CAPRIN1: variants seen among roughly 807,000 people sequenced by gnomAD.
The protein encoded by CAPRIN1 is caprin-1.
Under a neutral mutation model 100.9 loss-of-function variants are expected in CAPRIN1, and 29 were observed. The ratio of observed to expected loss-of-function variants is 0.29; its 90% CI spans 0.21 to 0.39. The LOEUF is 0.39. Among genes scored for constraint, CAPRIN1 ranks in the 10% least tolerant of loss-of-function variants. The pLI is 1.00. For synonymous variants in CAPRIN1, 338 were observed against 307.5 expected (o/e 1.10, Z -1.04); for missense variants, 795 against 876.7 (o/e 0.91, Z 1.18).
At chr11:34,074,799 C>T (rs547005326) in intron 4 of CAPRIN1, among the ~76,000 whole-genome samples, 3 of 152,288 alleles carry the variant, frequency 2.0e-5, no homozygotes, top group African/African-American at 7.2e-5. Context: ...TACTTGAATT[C>T]GAGAAGTAGA....
chr11:34,090,588 T>A lies in CAPRIN1; in HGVS notation c.1464T>A (p.Ser488=). The A allele has an allele frequency of 6.2e-7, 1 of 1,613,950 alleles. No individual in the cohort carries two copies. The highest frequency in any genetic ancestry group is 8.5e-7 in the Non-Finnish European group (1 of 1,179,796). The change falls in exon 14 of 19, where the codon TCT becomes TCA. Residue 488 remains serine (S), a synonymous_variant. Coordinates refer to ENST00000341394, the MANE Select transcript of CAPRIN1 (RefSeq NM_005898.5). ...TTASSSLPAA[S]QPQVFQAGTS... Reference sequence around the variant, plus strand: ...CATCATCATCCCTTCCTGCTGCGTCTCAGCCTCAAGTATTTCAGGCTGGGA... The same window carrying A: ...CATCATCATCCCTTCCTGCTGCGTCACAGCCTCAAGTATTTCAGGCTGGGA...
chr11:34,071,313 T>G (rs1850800489), intron 2 of CAPRIN1, among the ~76,000 whole-genome samples: 1 of 152,060 alleles, frequency 6.6e-6, no homozygotes, highest in Non-Finnish European at 1.5e-5. Flanking sequence ...CCTGTAATCC[T>G]AACACTTGGG....
chr11:34,087,218 G>A (rs1162298822), intron 11 of CAPRIN1, among the ~76,000 whole-genome samples: 1 of 151,864 alleles, frequency 6.6e-6, no homozygotes, highest in Non-Finnish European at 1.5e-5. Context: ...AATGTTGCAT[G>A]ATGTTAAATA....
chr11:34,077,663 AT>A (rs139921963), intron 6 of CAPRIN1, among the ~76,000 whole-genome samples: 15,531 of 152,208 alleles, frequency 0.1, 855 homozygotes, highest in African/African-American at 0.15. Context: ...AAGTATCTGT[AT>A]TTATGCATTT....
intron 2 of CAPRIN1, among the ~76,000 whole-genome samples, chr11:34,071,213 G>T (rs180990607): frequency 6.6e-6 from 1 of 152,268 alleles, no homozygotes; most frequent in Admixed American, 6.5e-5. Context: ...TTGTGCCATT[G>T]GTTTACAGTA....
intron 2 of CAPRIN1, among the ~76,000 whole-genome samples, chr11:34,057,153 C>G (rs1315713255): frequency 6.6e-6 from 1 of 152,184 alleles, no homozygotes; most frequent in Non-Finnish European, 1.5e-5. Context: ...CTGAAGCCTT[C>G]TTTGACATTT....
chr11:34,070,597 T>C (rs1391871624), intron 2 of CAPRIN1, among the ~76,000 whole-genome samples: 3 of 152,160 alleles, frequency 2.0e-5, no homozygotes, highest in South Asian at 2.1e-4. Flanking sequence ...GGTTTCATCA[T>C]GTTGGCCAGG....
chr11:34,101,544 G>C lies in CAPRIN1; in HGVS notation c.*2177G>C, dbSNP rs1337867199. On this transcript the variant is annotated 3_prime_UTR_variant, in exon 19 of 19. Transcript: ENST00000341394. ...GTGCAGATGTTGTGAATGTGTAAAGGTGTTCATAGTTTGACTGTTTCTATG... is the reference window on the plus strand; with the variant it reads ...GTGCAGATGTTGTGAATGTGTAAAGCTGTTCATAGTTTGACTGTTTCTATG... Among the ~76,000 whole-genome samples the C allele has an allele frequency of 6.6e-6, 1 of 152,130 alleles. No homozygotes were observed. The highest frequency in any genetic ancestry group is 1.5e-5 in the Non-Finnish European group (1 of 67,990).
chr11:34,090,742 CT>C (rs1565096704), intron 14 of CAPRIN1, 64 bp downstream of exon 14: 1 of 1,493,122 alleles, frequency 6.7e-7, no homozygotes, highest in African/African-American at 1.4e-5. Flanking sequence ...ATTTTCTTTT[CT>C]TTTTTAAAGG....
At chr11:34,098,969 T>C (rs1005120996) in intron 18 of CAPRIN1, 32 of 1,143,320 alleles carry the variant, frequency 2.8e-5, no homozygotes, top group Non-Finnish European at 3.5e-5. Flanking sequence ...GCAGGTACCT[T>C]GTCTGTCTTC....
intron 2 of CAPRIN1, chr11:34,053,054 C>T (rs549142438): frequency 9.7e-7 from 1 of 1,030,860 alleles, no homozygotes; most frequent in South Asian, 3.3e-5. Context: ...CGGGTTCAAC[C>T]GACCGCCTCG....
chr11:34,094,374 T>C (rs1007206502), intron 15 of CAPRIN1, among the ~76,000 whole-genome samples: 2 of 152,070 alleles, frequency 1.3e-5, no homozygotes, highest in Non-Finnish European at 2.9e-5. Context: ...GTTGAAGAAA[T>C]CATTTCAGTA....
chr11:34,090,189 TATC>T lies in CAPRIN1; in HGVS notation c.1308_1310del (p.Ser437del). ...TTTACTTATGTCTAGGTTCCTTTGG[TATC>T]ATCCACAAGTGAGGGGTACACAGCA... On this transcript the variant is annotated inframe_deletion, in exon 13 of 19. Transcript: ENST00000341394. The T allele has an allele frequency of 6.2e-7, 1 of 1,608,286 alleles. No homozygotes were observed. Among genetic ancestry groups the T allele is most frequent in the South Asian group, 1.1e-5 (1 of 90,798 alleles).
At chr11:34,085,916 A>G in intron 9 of CAPRIN1, 148 bp from the exon 10 acceptor site, 1 of 612,650 alleles carries the variant, frequency 1.6e-6, no homozygotes. Flanking sequence ...TAAATTTGGC[A>G]TAAATGTAAT....
At chr11:34,081,117 ACT>A (rs1214336318) in intron 7 of CAPRIN1, among the ~76,000 whole-genome samples, 1 of 152,140 alleles carries the variant, frequency 6.6e-6, no homozygotes, top group Admixed American at 6.5e-5. Flanking sequence ...AATATAAAAC[ACT>A]GTTAATTAAC....
intron 15 of CAPRIN1, among the ~76,000 whole-genome samples, chr11:34,093,451 C>T (rs1190166558): frequency 2.0e-5 from 3 of 152,060 alleles, no homozygotes; most frequent in Non-Finnish European, 2.9e-5. Context: ...AATTGGAATC[C>T]CACAACAAAC....
intron 2 of CAPRIN1, among the ~76,000 whole-genome samples, chr11:34,058,918 T>C (rs1850514162): frequency 1.3e-5 from 2 of 152,184 alleles, no homozygotes; most frequent in African/African-American, 4.8e-5. Flanking sequence ...TATTCCAAGC[T>C]TCTGGGTATT....
chr11:34,054,886 C>T (rs918353019), intron 2 of CAPRIN1, among the ~76,000 whole-genome samples: 4 of 152,016 alleles, frequency 2.6e-5, no homozygotes, highest in East Asian at 3.9e-4. Flanking sequence ...TAATTATGAA[C>T]ATTAATGATT....
chr11:34,075,252 A>G (rs1179303532), intron 4 of CAPRIN1, among the ~76,000 whole-genome samples: 4 of 151,838 alleles, frequency 2.6e-5, no homozygotes, highest in Non-Finnish European at 5.9e-5. Flanking sequence ...TCCCTTTAGT[A>G]TAGGTTTCAT....
Sources: allele counts gnomAD v4.1 joint callset (sites outside exome capture counted in the v4.1 genomes callset), GRCh38; gene constraint gnomAD v4.1.1; transcripts MANE v1.5; gene names NCBI Gene and HGNC (gene_info 2026-07-23, HGNC 2026-07-21).